ACVR1: variants seen among roughly 807,000 people sequenced by gnomAD.
The protein encoded by ACVR1 is activin receptor type-1.
In ACVR1, 38 loss-of-function variants were observed where a neutral mutation model predicts 57.1. The observed-to-expected ratio is 0.67, with a 90% confidence interval of 0.51 to 0.87. ACVR1 has a LOEUF of 0.87. Among genes scored for constraint, ACVR1 ranks in the 40% least tolerant of loss-of-function variants. ACVR1 has a pLI of 0.00. For synonymous variants in ACVR1, 212 were observed against 228.1 expected, an observed-to-expected ratio of 0.93 and a Z score of 0.63; for missense variants, 463 against 638.2, an observed-to-expected ratio of 0.73 and a Z score of 2.96.
At chr2:157,850,818 G>A (rs1347652063) in intron 1 of ACVR1, among the ~76,000 whole-genome samples, 1 of 152,138 alleles carries the variant, frequency 6.6e-6, no homozygotes, top group Non-Finnish European at 1.5e-5. Context: ...TTAGCTGGGT[G>A]TGGTGGTGCA....
intron 9 of ACVR1, among the ~76,000 whole-genome samples, chr2:157,749,769 C>G (rs1055398110): frequency 2.0e-5 from 3 of 152,222 alleles, no homozygotes; most frequent in Non-Finnish European, 4.4e-5. Flanking sequence ...ATCTGGAGGT[C>G]TGAAGAAAGG....
At chr2:157,800,356 G>T (rs767805216) in intron 2 of ACVR1, among the ~76,000 whole-genome samples, 1 of 152,004 alleles carries the variant, frequency 6.6e-6, no homozygotes, top group African/African-American at 2.4e-5. Flanking sequence ...GGCTGGGTGC[G>T]GTGGCTCACA....
At chr2:157,799,719 A>C (rs1436347585) in intron 2 of ACVR1, among the ~76,000 whole-genome samples, 3 of 152,170 alleles carry the variant, frequency 2.0e-5, no homozygotes. Flanking sequence ...ACTGGTAGTC[A>C]CTCCAAGGAT....
At chr2:157,826,632 C>A (rs113234334) in intron 1 of ACVR1, 313 of 129,966 alleles carry the variant, frequency 2.4e-3, no homozygotes, top group African/African-American at 8.9e-3. Flanking sequence ...ACAGACTGGG[C>A]GACAGAGTAA....
intron 1 of ACVR1, among the ~76,000 whole-genome samples, chr2:157,833,239 C>T (rs1432667588): frequency 6.6e-6 from 1 of 152,202 alleles, no homozygotes; most frequent in Non-Finnish European, 1.5e-5. Context: ...CCATACTGCA[C>T]AGGTTGGCTT....
chr2:157,813,762 T>G (rs1687837095), intron 2 of ACVR1, among the ~76,000 whole-genome samples: 1 of 152,252 alleles, frequency 6.6e-6, no homozygotes, highest in Non-Finnish European at 1.5e-5. Context: ...AACTTTTGTG[T>G]TCTTTGAACC....
At chr2:157,746,590 T>C (rs1038315718) in intron 9 of ACVR1, among the ~76,000 whole-genome samples, 2 of 152,256 alleles carry the variant, frequency 1.3e-5, no homozygotes, top group Non-Finnish European at 2.9e-5. Context: ...ACCGTCTTTT[T>C]TCAAAAACTC....
At chr2:157,862,460 G>C (rs1368966429) in intron 1 of ACVR1, among the ~76,000 whole-genome samples, 3 of 122,366 alleles carry the variant, frequency 2.5e-5, no homozygotes, top group African/African-American at 9.9e-5. Flanking sequence ...CACACACACA[G>C]AGTACAAAAC....
chr2:157,846,938 C>A (rs2105360837), intron 1 of ACVR1, among the ~76,000 whole-genome samples: 1 of 152,222 alleles, frequency 6.6e-6, no homozygotes, highest in East Asian at 1.9e-4. Context: ...CAGTTATATT[C>A]CTCTATTATA....
chr2:157,796,177 G>A lies in ACVR1; in HGVS notation c.67+3250C>T, dbSNP rs568716015. Among the ~76,000 whole-genome samples the A allele has an allele frequency of 5.4e-5, 8 of 148,092 alleles. No individual in the cohort carries two copies. In the South Asian group the frequency reaches 1.5e-3, roughly 28 times the overall value. On this transcript the variant is annotated intron_variant, in intron 3 of 10. Coordinates refer to ENST00000434821, the MANE Select transcript of ACVR1 (RefSeq NM_001111067.4). ...GTTGAGACCACAGTAAGCCAGGATC[G>A]TGCCACTGCACTCCAGCCCTGGTGA...
intron 4 of ACVR1, 120 bp downstream of exon 4, chr2:157,780,217 T>C (rs1277213111): frequency 2.1e-6 from 3 of 1,431,928 alleles, no homozygotes; most frequent in Non-Finnish European, 2.9e-6. Flanking sequence ...TTGTAGCTCT[T>C]CGCCTCTGAT....
intron 3 of ACVR1, among the ~76,000 whole-genome samples, chr2:157,795,980 C>T (rs1392656523): frequency 6.6e-6 from 1 of 152,050 alleles, no homozygotes; most frequent in East Asian, 1.9e-4. Context: ...TCCCAGCACA[C>T]TGGGAGATAG....
chr2:157,798,411 G>A (rs72999439), intron 3 of ACVR1, among the ~76,000 whole-genome samples: 3,415 of 151,418 alleles, frequency 0.023, 122 homozygotes, highest in African/African-American at 0.078. Context: ...ATCTATTTTC[G>A]AAGATGTTGA....
chr2:157,784,998 C>A (rs1288039557), intron 3 of ACVR1, among the ~76,000 whole-genome samples: 1 of 152,222 alleles, frequency 6.6e-6, no homozygotes, highest in Admixed American at 6.5e-5. Context: ...CACGCCTGCC[C>A]AGTCATGCAC....
At chr2:157,785,347 A>G (rs145624796) in intron 3 of ACVR1, among the ~76,000 whole-genome samples, 1 of 152,366 alleles carries the variant, frequency 6.6e-6, no homozygotes, top group East Asian at 1.9e-4. Flanking sequence ...GCAAGCTTAT[A>G]TGAGGTTTAT....
intron 3 of ACVR1, among the ~76,000 whole-genome samples, chr2:157,797,808 C>G (rs1010984327): frequency 6.6e-6 from 1 of 152,070 alleles, no homozygotes; most frequent in African/African-American, 2.4e-5. Flanking sequence ...TTGTGTCTCC[C>G]CAAAATTCAT....
At chr2:157,767,816 T>A (rs1408158217) in intron 7 of ACVR1, among the ~76,000 whole-genome samples, 1 of 152,174 alleles carries the variant, frequency 6.6e-6, no homozygotes, top group Non-Finnish European at 1.5e-5. Flanking sequence ...GCTGTCCTGA[T>A]ACCTTGCATA....
At chr2:157,818,016 C>CAAAAG (rs1467537578) in intron 2 of ACVR1, among the ~76,000 whole-genome samples, 8 of 131,546 alleles carry the variant, frequency 6.1e-5, no homozygotes, top group Admixed American at 1.6e-4. Context: ...AAAAAAAAAA[C>CAAAAG]AAAAGAAAAG....
At chr2:157,870,729 CTT>C (rs1690091351) in intron 1 of ACVR1, among the ~76,000 whole-genome samples, 2 of 152,130 alleles carry the variant, frequency 1.3e-5, no homozygotes, top group African/African-American at 4.8e-5. Context: ...AAGCATCACT[CTT>C]AAATATAAAA....
Sources: gnomAD v4.1 joint callset for allele counts (sites outside exome capture counted in the v4.1 genomes callset) on GRCh38, gnomAD v4.1.1 for gene constraint, MANE v1.5 for transcripts, NCBI Gene and HGNC (gene_info 2026-07-23, HGNC 2026-07-21) for gene names.